Variants in PSTPIP1 observed in about 807,000 individuals in gnomAD.
PSTPIP1 encodes proline-serine-threonine phosphatase-interacting protein 1.
PSTPIP1 carries 66 observed loss-of-function variants against 69.6 expected under a neutral mutation model. The observed-to-expected ratio is 0.95, with a 90% CI of 0.78 to 1.16. The LOEUF (loss-of-function observed/expected upper bound fraction) is 1.16, where lower values mean the gene tolerates loss of function less well. Ranked by LOEUF, PSTPIP1 falls within the 50% of genes most tolerant of loss-of-function variation. The pLI, the probability that PSTPIP1 is intolerant of heterozygous loss-of-function variation, is 0.00. For missense variants in PSTPIP1, 603 were observed against 557.4 expected, an observed-to-expected ratio of 1.08 and a Z score of -0.82; for synonymous variants, 266 against 222.7, an observed-to-expected ratio of 1.19 and a Z score of -1.73.
intron 3 of PSTPIP1, among the ~76,000 whole-genome samples, chr15:77,021,300 C>T (rs2076156223): frequency 6.6e-6 from 1 of 152,218 alleles, no homozygotes; most frequent in South Asian, 2.1e-4. Context: ...CATGTTAACT[C>T]AGCAAACATC....
intron 1 of PSTPIP1, among the ~76,000 whole-genome samples, chr15:77,005,856 A>G (rs1440879870): frequency 6.6e-6 from 1 of 152,170 alleles, no homozygotes; most frequent in Non-Finnish European, 1.5e-5. Flanking sequence ...ATTCCATTCT[A>G]CGTATATACT....
At chr15:77,032,224 C>T (rs2076434954) in intron 10 of PSTPIP1, 74 bp from the exon 11 acceptor site, 31 of 1,483,964 alleles carry the variant, frequency 2.1e-5, no homozygotes, top group Non-Finnish European at 2.5e-5. Context: ...GGGTGGGGGC[C>T]GCTGGTCAGA....
intron 1 of PSTPIP1, among the ~76,000 whole-genome samples, chr15:77,014,237 C>T (rs1052191974): frequency 2.6e-5 from 4 of 152,224 alleles, no homozygotes; most frequent in African/African-American, 7.2e-5. Flanking sequence ...GTCATCACCC[C>T]TAGCCCAGTA....
At position 77,031,143 on chromosome 15, in the gene PSTPIP1, G is replaced by A. The variant is rs200752088; in HGVS notation, c.643-37G>A. 6,140 of 1,588,322 alleles carry A rather than the reference G, an allele frequency of 3.9e-3. 21 individuals are homozygous for A. The highest frequency in any genetic ancestry group is 4.7e-3 in the Non-Finnish European group (5,471 of 1,160,782). ...CCCAGCCTGGCCGGGCCCTGCAGCC[G>A]CCTCCTCACTGCTCACCTCCCTCCC... On this transcript the variant is annotated intron_variant, in intron 9 of 14. Coordinates refer to ENST00000558012, the MANE Select transcript of PSTPIP1 (RefSeq NM_003978.5).
At chr15:77,022,553 G>A (rs1390600091) in intron 3 of PSTPIP1, among the ~76,000 whole-genome samples, 2 of 152,206 alleles carry the variant, frequency 1.3e-5, no homozygotes, top group African/African-American at 2.4e-5. Context: ...CTGCACAGAC[G>A]GTGGGAGGAA....
At chr15:77,034,510 C>T (rs1298902050) in intron 12 of PSTPIP1, among the ~76,000 whole-genome samples, 1 of 151,692 alleles carries the variant, frequency 6.6e-6, no homozygotes, top group Admixed American at 6.5e-5. Flanking sequence ...CATGGCTCAG[C>T]CCCTCACCTG....
At position 77,037,038 on chromosome 15, in the gene PSTPIP1, T is replaced by C. The variant is rs1312715646; in HGVS notation, c.1120-7T>C. 8.1e-6 allele frequency: 13 copies of C among 1,611,546 alleles called. No homozygotes were observed. Among genetic ancestry groups the C allele is most frequent in the Non-Finnish European group, 1.1e-5 (13 of 1,179,226 alleles). On this transcript the variant is annotated splice_polypyrimidine_tract_variant and splice_region_variant and intron_variant, in intron 14 of 14. Coordinates refer to ENST00000558012, the MANE Select transcript of PSTPIP1 (RefSeq NM_003978.5). ...CCAACGTCATGCGCTTTCAATCTCT[T>C]GGCCAGAACCCAGATGAGCTGGACC...
Position 77,004,179 on chromosome 15 carries a change from A to T in PSTPIP1, c.36+8570A>T, listed in dbSNP as rs561144576. ...GGGGGATGCCACACAGATGGATCGG[A>T]CTGGGCTGGGCCTGGATGCCACCTT... is the stretch of plus-strand genomic sequence containing the variant. On this transcript the variant is annotated intron_variant, in intron 1 of 14. Coordinates refer to ENST00000558012, the MANE Select transcript of PSTPIP1 (RefSeq NM_003978.5). Among the ~76,000 whole-genome samples, 16 of 152,330 alleles carry T rather than the reference A, an allele frequency of 1.1e-4. No homozygotes were observed. The East Asian group carries it at 2.9e-3, about 27-fold the overall frequency.
At chr15:77,012,269 TCATCCACC>T (rs150404378) in intron 1 of PSTPIP1, among the ~76,000 whole-genome samples, 8,543 of 131,060 alleles carry the variant, frequency 0.065, 351 homozygotes, top group Middle Eastern at 0.12. Context: ...ACCCATCCAC[TCATCCACC>T]CATCCACCCA....
At chr15:77,030,701 C>A in intron 9 of PSTPIP1, 120 bp downstream of exon 9, 2 of 1,009,646 alleles carry the variant, frequency 2.0e-6, no homozygotes, top group Non-Finnish European at 1.4e-6. Context: ...GTTACTCACT[C>A]GTTTATTCAG....
intron 12 of PSTPIP1, 102 bp downstream of exon 12, chr15:77,033,054 A>G (rs2076461729): frequency 2.6e-6 from 3 of 1,163,908 alleles, no homozygotes; most frequent in South Asian, 1.4e-5. Context: ...AGCACCTACT[A>G]TGTGTCTGTA....
upstream of PSTPIP1, chr15:76,995,000 A>G (rs911184033): frequency 5.9e-6 from 7 of 1,180,824 alleles, no homozygotes; most frequent in Admixed American, 2.3e-4. Context: ...GTGAGCCCGC[A>G]CCTCGGGAGG....
At chr15:76,997,219 G>T (rs2075599949) in intron 1 of PSTPIP1, among the ~76,000 whole-genome samples, 1 of 152,238 alleles carries the variant, frequency 6.6e-6, no homozygotes, top group Non-Finnish European at 1.5e-5. Context: ...GGGCTTCCTG[G>T]CCTCCAAGTG....
At chr15:77,030,181 C>A (rs2076381044) in intron 8 of PSTPIP1, among the ~76,000 whole-genome samples, 1 of 152,264 alleles carries the variant, frequency 6.6e-6, no homozygotes, top group Non-Finnish European at 1.5e-5. Context: ...GCCCTCTCAG[C>A]TGCCTTCTCT....
rs1298393802 is a variant in PSTPIP1 at position 77,027,988 on chromosome 15, T to G, written c.417+74T>G. ...GGTCTCAGGGTGCGATCCTGGGCTG[T>G]GGCCCCGGGCAGGGCATTTGGAACA... On this transcript the variant is annotated intron_variant, in intron 6 of 14. Coordinates refer to ENST00000558012, the MANE Select transcript of PSTPIP1 (RefSeq NM_003978.5). This position sits in a 1 kb window ranked among gnomAD's most constrained non-coding sequence, Gnocchi z 4.3. 1 of 1,333,602 alleles carries G rather than the reference T, an allele frequency of 7.5e-7. No individual in the cohort carries two copies. The highest frequency in any genetic ancestry group is 1.0e-6 in the Non-Finnish European group (1 of 952,414). 82.6% of individuals were successfully genotyped at this position (1,333,602 alleles called of 1,614,324 possible). A position where few individuals can be genotyped will look rare whatever the true frequency, so the allele number is the denominator to read the frequency against.
At chr15:77,036,920 GCTGCCCCTGCC>G in intron 14 of PSTPIP1, 114 bp from the exon 15 acceptor site, 1 of 1,329,300 alleles carries the variant, frequency 7.5e-7, no homozygotes, top group Non-Finnish European at 1.0e-6. Context: ...TCCCCAAGGG[GCTGCCCCTGCC>G]CACCCTGGGA....
intron 3 of PSTPIP1, 123 bp from the exon 4 acceptor site, chr15:77,025,161 T>C: frequency 9.1e-7 from 1 of 1,101,666 alleles, no homozygotes; most frequent in Non-Finnish European, 1.4e-6. Flanking sequence ...GGTTCTAGAG[T>C]GACCCAGGGT....
intron 1 of PSTPIP1, among the ~76,000 whole-genome samples, chr15:77,012,983 AC>A (rs553410132): frequency 4.6e-5 from 7 of 151,362 alleles, no homozygotes; most frequent in Non-Finnish European, 8.8e-5. Context: ...AACCTGAAAG[AC>A]CCCCCTCTGC....
Position 77,035,852 on chromosome 15 carries a change from A to C in PSTPIP1, c.1036A>C (p.Thr346Pro), listed in dbSNP as rs1267375857. The C allele has an allele frequency of 1.6e-5, 25 of 1,610,554 alleles. No individual in the cohort carries two copies. Among genetic ancestry groups the C allele is most frequent in the Non-Finnish European group, 2.0e-5 (24 of 1,179,656 alleles). Residue 346 changes from threonine to proline, a missense_variant, in exon 14 of 15, where the codon ACA becomes CCA. Coordinates refer to ENST00000558012, the MANE Select transcript of PSTPIP1 (RefSeq NM_003978.5). ...CCCCGAGCGGAATGAGGGTGTCTAC[A>C]CAGCCATCGCAGTGCAGGAGATACA... ...PTPERNEGVYTAIAVQEIQGN... is the reference protein window; with the variant it reads ...PTPERNEGVYPAIAVQEIQGN...
Sources: gnomAD v4.1 joint callset for allele counts (sites outside exome capture counted in the v4.1 genomes callset) on GRCh38, gnomAD v4.1.1 for gene constraint, Gnocchi (gnomAD v3.1) non-coding constraint, MANE v1.5 for transcripts, NCBI Gene and HGNC (gene_info 2026-07-23, HGNC 2026-07-21) for gene names.